The following PLXNA1 variants were observed in gnomAD, a reference collection of about 807,000 sequenced individuals.
PLXNA1 encodes the protein plexin A1, also known as plexin-A1.
Under a neutral mutation model 191.7 loss-of-function variants are expected in PLXNA1, and 77 were observed. The ratio of observed to expected loss-of-function variants is 0.40; its 90% confidence interval spans 0.33 to 0.49. PLXNA1 has a LOEUF of 0.49. Among genes scored for constraint, PLXNA1 ranks in the 20% least tolerant of loss-of-function variants. The pLI is 0.63. For missense variants in PLXNA1, 2,110 were observed against 2,660.2 expected, an observed-to-expected ratio of 0.79 and a Z score of 4.55; for synonymous variants, 1,137 against 1,156.4, an observed-to-expected ratio of 0.98 and a Z score of 0.34.
chr3:127,014,420 A>G (rs1559961266), intron 12 of PLXNA1, 45 bp downstream of exon 12: 2 of 1,570,354 alleles, frequency 1.3e-6, no homozygotes, highest in Non-Finnish European at 1.7e-6. Context: ...CCCGCCCTGC[A>G]CCACCGCACA....
chr3:127,015,249 C>T lies in PLXNA1; in HGVS notation c.2943C>T (p.Ile981=), dbSNP rs917405306. The part of the protein sequence containing the change: ...GPLSGGTWIG[I]EGSHLNAGSD... ...TGTCAGGGGGCACCTGGATTGGCATCGAGGGAAGCCACCTGAACGCAGGCA... is the reference window on the plus strand; with the variant it reads ...TGTCAGGGGGCACCTGGATTGGCATTGAGGGAAGCCACCTGAACGCAGGCA... The change falls in exon 15 of 32, where the codon ATC becomes ATT. Residue 981 remains isoleucine (I), a synonymous_variant. Coordinates refer to ENST00000393409, the MANE Select transcript of PLXNA1 (RefSeq NM_032242.4). 2 of 1,612,974 alleles carry T rather than the reference C, an allele frequency of 1.2e-6. No individual in the cohort carries two copies. The highest frequency in any genetic ancestry group is 1.3e-5 in the African/African-American group (1 of 74,792).
chr3:126,989,573 A>G lies in PLXNA1; in HGVS notation c.980A>G (p.Gln327Arg). Residue 327 changes from glutamine to arginine, a missense_variant, in exon 2 of 32, where the codon CAG (glutamine) becomes CGG (arginine). Physicochemically the swap from Gln to Arg is conservative, Grantham distance 43 (BLOSUM62 1). Coordinates refer to ENST00000393409, the MANE Select transcript of PLXNA1 (RefSeq NM_032242.4). ...LSRPGRALAH[Q>R]LGLAEDEDVL... is the part of the protein sequence containing the mutation. Reference sequence around the variant, plus strand: ...CGGCCCGGCCGTGCCCTGGCCCACCAGCTGGGCCTGGCTGAGGACGAGGAC... The same window carrying G: ...CGGCCCGGCCGTGCCCTGGCCCACCGGCTGGGCCTGGCTGAGGACGAGGAC... 1 of 1,613,222 alleles carries G rather than the reference A, an allele frequency of 6.2e-7. No individual in the cohort carries two copies.
rs1338206199 is a variant in PLXNA1 at position 127,015,420 on chromosome 3, G to A, written c.3014+100G>A. The A allele has an allele frequency of 7.6e-6, 11 of 1,451,358 alleles. No individual in the cohort carries two copies. The African/African-American group carries it at 1.4e-4, about 19-fold the overall frequency. 89.9% of individuals were successfully genotyped at this position (1,451,358 alleles called of 1,614,324 possible). On this transcript the variant is annotated intron_variant, in intron 15 of 31. Transcript: ENST00000393409. ...TGCCTGGGCAACGGGGCTATGGAGAGCCTGGCTGGGGTGATCACTGTGAAA... is the reference window on the plus strand; with the variant it reads ...TGCCTGGGCAACGGGGCTATGGAGAACCTGGCTGGGGTGATCACTGTGAAA...
rs368422636 is a variant in PLXNA1 at position 127,028,346 on chromosome 3, C to T, written c.4669+6C>T. 1.6e-5 allele frequency: 26 copies of T among 1,606,972 alleles called. 1 individual carries two copies. The highest frequency in any genetic ancestry group is 1.8e-4 in the Middle Eastern group (1 of 5,504). On this transcript the variant is annotated splice_donor_region_variant and intron_variant, in intron 25 of 31. Coordinates refer to ENST00000393409, the MANE Select transcript of PLXNA1 (RefSeq NM_032242.4). ...GGCCGCGGACATGGACCTGGGTGAG[C>T]GGGCGGGGCCACGGCTGCCCGGGGT...
chr3:126,989,475 G>C lies in PLXNA1; in HGVS notation c.882G>C (p.Ser294=), dbSNP rs144161897. Residue 294 remains serine (S), a synonymous_variant, in exon 2 of 32, where the codon TCG becomes TCC. Coordinates refer to ENST00000393409, the MANE Select transcript of PLXNA1 (RefSeq NM_032242.4). ...GTGTGGACGACCCCAAATTCTACTC[G>C]TACGTTGAGTTCCCCATTGGCTGCG... ...RLCVDDPKFY[S]YVEFPIGCEQ... 6.2e-7 allele frequency: 1 copy of C among 1,613,684 alleles called. No individual in the cohort carries two copies. The highest frequency in any genetic ancestry group is 8.5e-7 in the Non-Finnish European group (1 of 1,180,042).
intron 1 of PLXNA1, among the ~76,000 whole-genome samples, chr3:126,985,036 GT>G (rs1219680101): frequency 6.6e-6 from 1 of 152,212 alleles, no homozygotes; most frequent in Non-Finnish European, 1.5e-5. Context: ...CCCGGCTGCT[GT>G]TGTGAGCCAC....
Position 126,989,511 on chromosome 3 carries a change from T to C in PLXNA1, c.918T>C (p.Gly306=). ...TCCCCATTGGCTGCGAGCAGGCGGG[T>C]GTGGAGTACCGCCTGGTGCAGGATG... ...VEFPIGCEQA[G]VEYRLVQDAY... Residue 306 remains glycine, a synonymous_variant, in exon 2 of 32, where the codon GGT becomes GGC. Transcript: ENST00000393409. 6.2e-7 allele frequency: 1 copy of C among 1,613,216 alleles called. No homozygotes were observed. Among genetic ancestry groups the C allele is most frequent in the Non-Finnish European group, 8.5e-7 (1 of 1,180,002 alleles).
At chr3:127,020,930 G>A (rs948968513) in intron 21 of PLXNA1, among the ~76,000 whole-genome samples, 5 of 152,196 alleles carry the variant, frequency 3.3e-5, no homozygotes, top group Admixed American at 2.6e-4. Context: ...CCTTGGCAGC[G>A]AGCCTGGCGA....
chr3:126,999,750 G>A (rs756849079), intron 3 of PLXNA1, among the ~76,000 whole-genome samples: 5 of 152,162 alleles, frequency 3.3e-5, no homozygotes, highest in Non-Finnish European at 7.4e-5. Flanking sequence ...CCTGCCTGCT[G>A]TGTCCTGGGG....
In PLXNA1 at chr3:127,018,383, C is replaced by T. The variant is rs768079604; in HGVS notation, c.3750C>T (p.Gly1250=). The stretch of plus-strand genomic sequence containing the variant: ...CGCTGCCTGCCATTGTGGGCATTGG[C>T]GGAGGCGGGGGTCTCCTGCTGCTGG... ...LLTLPAIVGI[G]GGGGLLLLVI... is the part of the protein sequence containing the mutation. Residue 1250 remains glycine, a synonymous_variant, in exon 20 of 32, where the codon GGC becomes GGT. Transcript: ENST00000393409. 1.4e-5 allele frequency: 22 copies of T among 1,612,930 alleles called. No homozygotes were observed. The highest frequency in any genetic ancestry group is 2.2e-5 in the South Asian group (2 of 91,078).
At chr3:126,990,948 C>T (rs2078987156) in intron 2 of PLXNA1, among the ~76,000 whole-genome samples, 2 of 152,140 alleles carry the variant, frequency 1.3e-5, no homozygotes, top group Admixed American at 6.5e-5. Flanking sequence ...TGCCCCCTCC[C>T]ACCTGTTCAT....
rs754484385 is a variant in PLXNA1 at position 127,020,285 on chromosome 3, T to C, written c.3979T>C (p.Tyr1327His). 1.1e-5 allele frequency: 18 copies of C among 1,613,186 alleles called. No homozygotes were observed. Among genetic ancestry groups the C allele is most frequent in the Non-Finnish European group, 1.5e-5 (18 of 1,179,972 alleles). The change falls in exon 21 of 32, where the codon TAT becomes CAT. Residue 1327 changes from tyrosine to histidine, a missense_variant. Tyr to His is a moderately conservative substitution (Grantham distance 83). Coordinates refer to ENST00000393409, the MANE Select transcript of PLXNA1 (RefSeq NM_032242.4). ...AGIPFLDYRT[Y>H]AMRVLFPGIE... Reference sequence around the variant, plus strand: ...CATCCCCTTCCTTGACTACCGGACATATGCCATGCGGGTGCTCTTTCCTGG... The same window carrying C: ...CATCCCCTTCCTTGACTACCGGACACATGCCATGCGGGTGCTCTTTCCTGG...
At chr3:127,033,883 T>G in intron 31 of PLXNA1, 39 bp from the exon 32 acceptor site, 5 of 1,533,050 alleles carry the variant, frequency 3.3e-6, no homozygotes, top group Non-Finnish European at 3.5e-6. Flanking sequence ...GCATGGAGGC[T>G]GGTGGCCCGG....
intron 20 of PLXNA1, among the ~76,000 whole-genome samples, chr3:127,019,951 C>T (rs1418786500): frequency 6.6e-6 from 1 of 152,218 alleles, no homozygotes; most frequent in Admixed American, 6.5e-5. Context: ...CCCTGCCCAG[C>T]CTGCCCCTGG....
rs115349184 is a variant in PLXNA1 at position 127,035,810 on chromosome 3, C to T, written c.*1793C>T. Reference sequence around the variant, plus strand: ...CTTGCAGTCCGCCCCAGCTGAGTAGCGTGAGCCAGATGACGCCACAGAGAC... The same window carrying T: ...CTTGCAGTCCGCCCCAGCTGAGTAGTGTGAGCCAGATGACGCCACAGAGAC... On this transcript the variant is annotated 3_prime_UTR_variant, in exon 32 of 32. Coordinates refer to ENST00000393409, the MANE Select transcript of PLXNA1 (RefSeq NM_032242.4). 0.026 allele frequency: 4,005 copies of T among 152,350 alleles called. 77 individuals are homozygous for T. The highest frequency in any genetic ancestry group is 0.041 in the Middle Eastern group (12 of 294). 9.4% of individuals were successfully genotyped at this position (152,350 alleles called of 1,614,324 possible). A position where few individuals can be genotyped will look rare whatever the true frequency, so the allele number is the denominator to read the frequency against.
intron 23 of PLXNA1, among the ~76,000 whole-genome samples, chr3:127,024,620 G>C (rs2079168173): frequency 6.6e-6 from 1 of 152,290 alleles, no homozygotes; most frequent in South Asian, 2.1e-4. Context: ...CGTTGTTAGT[G>C]GGGTACCAGT....
At chr3:127,015,584 A>C (rs930479400) in intron 15 of PLXNA1, among the ~76,000 whole-genome samples, 2 of 152,168 alleles carry the variant, frequency 1.3e-5, no homozygotes, top group African/African-American at 4.8e-5. Flanking sequence ...GGAAGGGGGG[A>C]ATCCCTTGGG....
rs984899941 is a variant in PLXNA1, at chr3:127,020,263, C to G, written c.3957C>G (p.Ile1319Met). 4.3e-6 allele frequency: 7 copies of G among 1,613,258 alleles called. No homozygotes were observed. The highest frequency in any genetic ancestry group is 5.1e-6 in the Non-Finnish European group (6 of 1,179,986). The change falls in exon 21 of 32, where the codon ATC becomes ATG. Residue 1319 changes from isoleucine to methionine, a missense_variant. Physicochemically the swap from Ile to Met is conservative, Grantham distance 10 (BLOSUM62 1). Around this residue, in one of 4 missense-constraint regions of PLXNA1, gnomAD observed 559 missense variants for 911.5 expected, o/e 0.61. Transcript: ENST00000393409. Reference sequence around the variant, plus strand: ...CCAATGACCTGGACGGTGCCGGCATCCCCTTCCTTGACTACCGGACATATG... The same window carrying G: ...CCAATGACCTGGACGGTGCCGGCATGCCCTTCCTTGACTACCGGACATATG... ...ELTNDLDGAG[I>M]PFLDYRTYAM...
chr3:126,991,196 C>T (rs1283963133), intron 2 of PLXNA1, among the ~76,000 whole-genome samples, 188 bp from the exon 3 acceptor site: 2 of 152,246 alleles, frequency 1.3e-5, no homozygotes, highest in African/African-American at 2.4e-5. Flanking sequence ...TAGCTGGGAG[C>T]CCGCCCTCTG....
Sources: allele counts gnomAD v4.1 joint callset (sites outside exome capture counted in the v4.1 genomes callset), GRCh38; gene constraint gnomAD v4.1.1; regional missense constraint gnomAD v4.1.1; transcripts MANE v1.5; gene names NCBI Gene and HGNC (gene_info 2026-07-23, HGNC 2026-07-21).